The following MYO9A variants were observed in gnomAD, a reference collection of about 807,000 sequenced individuals.
MYO9A encodes the protein unconventional myosin-IXa.
In MYO9A, 103 loss-of-function variants were observed where a neutral mutation model predicts 293.3. The observed-to-expected ratio is 0.35, with a 90% CI of 0.30 to 0.41. The LOEUF (loss-of-function observed/expected upper bound fraction) is 0.41. Among genes scored for constraint, MYO9A ranks in the 10% least tolerant of loss-of-function variants. The pLI is 1.00. For missense variants in MYO9A, 2,685 were observed against 3,033.0 expected (o/e 0.89, Z 2.69); for synonymous variants, 1,001 against 1,035.7 (o/e 0.97, Z 0.64).
At position 71,916,438 on chromosome 15, in the gene MYO9A, G is replaced by A. The variant is rs150015187; in HGVS notation, c.2617C>T (p.Arg873Cys). ...AAATGAAGAAGAGACTTGGTAATGC[G>A]ATCTTGTAGTGTCAGTCTTGTCAGG... Reference protein sequence around the residue: ...KHLTRLTLQDRITKSLLHLHK... With the variant: ...KHLTRLTLQDCITKSLLHLHK... Residue 873 changes from arginine (R) to cysteine (C), a missense_variant, in exon 19 of 42, where the codon CGC (arginine) becomes TGC (cysteine). Physicochemically the swap from Arg to Cys is radical, Grantham distance 180. This residue lies in a region of MYO9A where 1,434 missense variants were observed against 1,497.7 expected (regional missense o/e 0.96). Transcript: ENST00000356056. 3.2e-5 allele frequency: 51 copies of A among 1,613,528 alleles called. No homozygotes were observed. In the African/African-American group the frequency reaches 4.9e-4, roughly 16 times the overall value.
intron 1 of MYO9A, among the ~76,000 whole-genome samples, chr15:72,112,843 A>G (rs2080830525): frequency 6.6e-6 from 1 of 152,250 alleles, no homozygotes; most frequent in African/African-American, 2.4e-5. Context: ...ATCTTGATGT[A>G]GATGTTAGTT....
intron 2 of MYO9A, among the ~76,000 whole-genome samples, chr15:72,035,040 C>T (rs1252109108): frequency 1.3e-5 from 2 of 152,106 alleles, no homozygotes; most frequent in Non-Finnish European, 2.9e-5. Context: ...TACAGAAATT[C>T]CGTCAAGACC....
intron 32 of MYO9A, among the ~76,000 whole-genome samples, chr15:71,867,750 A>G (rs1173182696): frequency 2.0e-5 from 3 of 151,576 alleles, no homozygotes; most frequent in Admixed American, 6.6e-5. Context: ...TATCAAAATA[A>G]CAAATGCATT....
intron 18 of MYO9A, among the ~76,000 whole-genome samples, chr15:71,924,221 T>A (rs1596202342): frequency 6.6e-6 from 1 of 151,446 alleles, no homozygotes; most frequent in Non-Finnish European, 1.5e-5. Flanking sequence ...TGAAATTTTG[T>A]TTATTATTAT....
At chr15:72,004,477 G>T (rs1332621301) in intron 8 of MYO9A, among the ~76,000 whole-genome samples, 1 of 151,878 alleles carries the variant, frequency 6.6e-6, no homozygotes. Flanking sequence ...GAATGGCTTG[G>T]ACCCGGGAGG....
At chr15:71,968,150 TATC>T (rs778045962) in intron 12 of MYO9A, 25 bp from the exon 13 acceptor site, 9 of 1,531,884 alleles carry the variant, frequency 5.9e-6, no homozygotes, top group South Asian at 3.7e-5. Flanking sequence ...AAAGAAAAAA[TATC>T]ATTACAGAAA....
At chr15:72,073,249 T>G (rs1171952455) in intron 1 of MYO9A, among the ~76,000 whole-genome samples, 2 of 152,226 alleles carry the variant, frequency 1.3e-5, no homozygotes, top group African/African-American at 4.8e-5. Flanking sequence ...GATCAGCAAC[T>G]TGTAACATTT....
Position 72,037,199 on chromosome 15 carries a change from A to G in MYO9A, c.841-4611T>C, listed in dbSNP as rs549593047. ...CACCATCACTATGTGTGCTTGTCAA[A>G]AACAATCAGAAGCAATTGTTTAAAC... On this transcript the variant is annotated intron_variant, in intron 2 of 41. Transcript: ENST00000356056. Among the ~76,000 whole-genome samples, 10 of 151,876 alleles carry G rather than the reference A, an allele frequency of 6.6e-5. No individual in the cohort carries two copies. In the South Asian group the frequency reaches 2.1e-3, roughly 32 times the overall value.
At chr15:71,947,434 T>C (rs2058943860) in intron 15 of MYO9A, among the ~76,000 whole-genome samples, 2 of 152,198 alleles carry the variant, frequency 1.3e-5, no homozygotes, top group African/African-American at 4.8e-5. Context: ...CTGTAAGTTT[T>C]CTCCTAAGTA....
At chr15:72,030,111 C>T (rs1248708188) in intron 3 of MYO9A, among the ~76,000 whole-genome samples, 1 of 152,144 alleles carries the variant, frequency 6.6e-6, no homozygotes, top group Non-Finnish European at 1.5e-5. Flanking sequence ...AATCCATTGC[C>T]ACTACCACCA....
Position 71,998,568 on chromosome 15 carries a change from T to TC in MYO9A, c.1470+1282_1470+1283insG, listed in dbSNP as rs1433466351. ...TGGCTTTCTTTTTTTTTTTTGTCTT[T>TC]TTTTTTCTTTTTATTATTATTATTA... On this transcript the variant is annotated intron_variant, in intron 9 of 41. Coordinates refer to ENST00000356056, the MANE Select transcript of MYO9A (RefSeq NM_006901.4). 7.3e-5 allele frequency among the ~76,000 whole-genome samples: 11 copies of TC among 150,868 alleles called. No individual in the cohort carries two copies. The South Asian group carries it at 2.1e-3, about 29-fold the overall frequency.
intron 11 of MYO9A, among the ~76,000 whole-genome samples, chr15:71,980,439 T>A (rs1205305822): frequency 6.6e-6 from 1 of 152,234 alleles, no homozygotes; most frequent in Non-Finnish European, 1.5e-5. Flanking sequence ...TAGCTCATTG[T>A]GATTTTAGCT....
At chr15:72,113,650 T>C (rs1422417989) in intron 1 of MYO9A, among the ~76,000 whole-genome samples, 5 of 152,210 alleles carry the variant, frequency 3.3e-5, no homozygotes, top group Non-Finnish European at 4.4e-5. Flanking sequence ...TGGGCCATGC[T>C]CACAACCCCA....
chr15:72,049,590 T>C (rs1411688752), intron 1 of MYO9A, among the ~76,000 whole-genome samples: 1 of 152,226 alleles, frequency 6.6e-6, no homozygotes, highest in African/African-American at 2.4e-5. Flanking sequence ...CAGCAGAAGA[T>C]GAGCAGCAGG....
chr15:71,905,567 C>G (rs1214041984), intron 19 of MYO9A, among the ~76,000 whole-genome samples: 4 of 151,930 alleles, frequency 2.6e-5, no homozygotes. Context: ...GGCAGGATCA[C>G]CTGAGGTCAG....
intron 15 of MYO9A, 185 bp from the exon 16 acceptor site, chr15:71,939,112 T>C: frequency 6.0e-6 from 3 of 496,868 alleles, no homozygotes. Flanking sequence ...ATGAACCCAA[T>C]TAGAAAATTT....
intron 7 of MYO9A, 137 bp from the exon 8 acceptor site, chr15:72,008,089 T>C (rs1321213541): frequency 2.0e-6 from 2 of 1,017,128 alleles, no homozygotes; most frequent in African/African-American, 3.3e-5. Flanking sequence ...ATGGGAATAA[T>C]TACTAAAATT....
chr15:72,101,610 C>T (rs1342973183), intron 1 of MYO9A, among the ~76,000 whole-genome samples: 2 of 136,732 alleles, frequency 1.5e-5, no homozygotes, highest in African/African-American at 2.8e-5. Context: ...AGCCCCTCTG[C>T]CCGGCCAGCC....
chr15:72,028,200 A>T (rs987911323), intron 3 of MYO9A, among the ~76,000 whole-genome samples: 12 of 109,758 alleles, frequency 1.1e-4, no homozygotes, highest in African/African-American at 1.7e-4. Flanking sequence ...CTGTCTCAAA[A>T]AAATAAATAA....
Sources: allele counts gnomAD v4.1 joint callset (sites outside exome capture counted in the v4.1 genomes callset), GRCh38; gene constraint gnomAD v4.1.1; regional missense constraint gnomAD v4.1.1; transcripts MANE v1.5; gene names NCBI Gene and HGNC (gene_info 2026-07-23, HGNC 2026-07-21).